The following SLC41A2 variants were observed in gnomAD, a reference collection of about 807,000 sequenced individuals.
The protein encoded by SLC41A2 is solute carrier family 41 member 2, also known as SLC41A1-like 1.
SLC41A2 carries 32 observed loss-of-function variants against 58.3 expected under a neutral mutation model. That is an observed-to-expected ratio of 0.55 (90% CI 0.41 to 0.74). The LOEUF is 0.74. Ranked by LOEUF, SLC41A2 falls within the 30% of genes least tolerant of loss-of-function variation. The pLI is 0.00. For missense variants in SLC41A2, 514 were observed against 680.6 expected, an observed-to-expected ratio of 0.76 and a Z score of 2.72; for synonymous variants, 190 against 235.0, an observed-to-expected ratio of 0.81 and a Z score of 1.75.
intron 10 of SLC41A2, among the ~76,000 whole-genome samples, chr12:104,842,991 A>G (rs770405398): frequency 6.6e-6 from 1 of 152,064 alleles, no homozygotes; most frequent in Non-Finnish European, 1.5e-5. Flanking sequence ...CTTTTTCACA[A>G]TAGTTACACA....
chr12:104,957,937 C>T (rs1354496495), intron 1 of SLC41A2, among the ~76,000 whole-genome samples, 151 bp downstream of exon 1: 6 of 151,880 alleles, frequency 4.0e-5, no homozygotes, highest in African/African-American at 1.2e-4. Context: ...CCGCAGGGGG[C>T]ACGGCTGCTC....
rs1236629165 is a variant in SLC41A2, at chr12:104,886,225, T to C, written c.1027+68A>G. The C allele has an allele frequency of 4.6e-6, 7 of 1,532,272 alleles. No homozygotes were observed. The Admixed American group carries it at 1.1e-4, about 24-fold the overall frequency. The allele number at this position is 1,532,272 out of a possible 1,614,324, so 94.9% of individuals were successfully genotyped here. A position where few individuals can be genotyped will look rare whatever the true frequency, so the allele number is the denominator to read the frequency against. On this transcript the variant is annotated intron_variant, in intron 6 of 10. Transcript: ENST00000258538. The stretch of plus-strand genomic sequence containing the variant: ...TGAAGGCTACCATGGATTCATGGCA[T>C]TGCTGCAACAATATTTATTTAAAGA...
intron 6 of SLC41A2, among the ~76,000 whole-genome samples, chr12:104,869,719 T>C (rs1439215116): frequency 6.6e-6 from 1 of 152,104 alleles, no homozygotes; most frequent in Non-Finnish European, 1.5e-5. Context: ...TAACTTCTAA[T>C]CCAATTTTGA....
intron 1 of SLC41A2, among the ~76,000 whole-genome samples, chr12:104,956,852 G>GAT (rs1338779502): frequency 6.6e-6 from 1 of 152,112 alleles, no homozygotes; most frequent in Non-Finnish European, 1.5e-5. Flanking sequence ...ACCACAAAGA[G>GAT]ATACCATTCC....
intron 10 of SLC41A2, among the ~76,000 whole-genome samples, chr12:104,811,822 C>G (rs1019297839): frequency 1.3e-5 from 2 of 152,184 alleles, no homozygotes; most frequent in Non-Finnish European, 2.9e-5. Flanking sequence ...GTAGAATCCA[C>G]GAAAGGTTTG....
At chr12:104,812,924 A>G (rs2041237194) in intron 10 of SLC41A2, among the ~76,000 whole-genome samples, 1 of 152,224 alleles carries the variant, frequency 6.6e-6, no homozygotes, top group Admixed American at 6.5e-5. Context: ...CACGCCTGTA[A>G]TCCCCAGCTG....
chr12:104,931,920 A>G (rs1593166303), intron 1 of SLC41A2: 1 of 152,194 alleles, frequency 6.6e-6, no homozygotes, highest in Non-Finnish European at 1.5e-5. Context: ...AATCTTCTTC[A>G]TTGCTTAAGC....
intron 1 of SLC41A2, among the ~76,000 whole-genome samples, chr12:104,947,976 TG>T (rs1172823327): frequency 1.3e-5 from 2 of 152,220 alleles, no homozygotes; most frequent in African/African-American, 4.8e-5. Flanking sequence ...ACCATGAGTT[TG>T]CCTGGGGTCA....
chr12:104,945,235 T>C (rs971855242), intron 1 of SLC41A2, among the ~76,000 whole-genome samples: 2 of 151,682 alleles, frequency 1.3e-5, no homozygotes, highest in Non-Finnish European at 2.9e-5. Context: ...GCACGGTAGT[T>C]CACACCTGTA....
In SLC41A2 at chr12:104,829,548, T is replaced by A. The variant is rs77783180; in HGVS notation, c.1536+14924A>T. 5.9e-3 allele frequency among the ~76,000 whole-genome samples: 894 copies of A among 152,010 alleles called. 17 individuals carry two copies. Among genetic ancestry groups the A allele is most frequent in the African/African-American group, 0.02 (841 of 41,448 alleles). On this transcript the variant is annotated intron_variant, in intron 10 of 10. Coordinates refer to ENST00000258538, the MANE Select transcript of SLC41A2 (RefSeq NM_001352171.3). ...AACCTTTTGGAGGTGAAGGTAATAT[T>A]CTGTATGTTGATTATGGTAGTCATT...
At chr12:104,958,309 C>T (rs930089398), upstream of SLC41A2, 1 of 149,156 alleles carries the variant, frequency 6.7e-6, no homozygotes, top group Non-Finnish European at 1.5e-5. Flanking sequence ...CGTCGGCGCC[C>T]GCGGCCCCCT....
At chr12:104,943,101 G>C (rs1306290178) in intron 1 of SLC41A2, among the ~76,000 whole-genome samples, 1 of 151,898 alleles carries the variant, frequency 6.6e-6, no homozygotes, top group Non-Finnish European at 1.5e-5. Flanking sequence ...AAAGTTAAAA[G>C]CTTCCAGAAT....
intron 1 of SLC41A2, chr12:104,931,671 T>C (rs767672931): frequency 6.6e-6 from 1 of 152,204 alleles, no homozygotes; most frequent in Admixed American, 6.5e-5. Context: ...GGGAAGACTT[T>C]CCTTTGGAAT....
At chr12:104,913,168 C>T (rs1029745595) in intron 2 of SLC41A2, among the ~76,000 whole-genome samples, 2 of 152,172 alleles carry the variant, frequency 1.3e-5, no homozygotes, top group African/African-American at 4.8e-5. Flanking sequence ...AAAAATTCTA[C>T]ATTATTTTTT....
At chr12:104,914,980 T>C (rs1404580362) in intron 2 of SLC41A2, among the ~76,000 whole-genome samples, 1 of 152,228 alleles carries the variant, frequency 6.6e-6, no homozygotes, top group Non-Finnish European at 1.5e-5. Flanking sequence ...TACTTACAAA[T>C]TTTACCATGA....
intron 10 of SLC41A2, among the ~76,000 whole-genome samples, chr12:104,824,698 T>G (rs115283537): frequency 0.014 from 2,115 of 152,130 alleles, 46 homozygotes; most frequent in African/African-American, 0.047. Flanking sequence ...GGGGCTTCAG[T>G]TGCAAACATT....
At chr12:104,814,742 T>C (rs1226829220) in intron 10 of SLC41A2, among the ~76,000 whole-genome samples, 3 of 152,222 alleles carry the variant, frequency 2.0e-5, no homozygotes, top group Non-Finnish European at 4.4e-5. Context: ...TAGTAAGTAC[T>C]AAGTAAATAT....
At chr12:104,933,712 T>C (rs1372506086) in intron 1 of SLC41A2, among the ~76,000 whole-genome samples, 7 of 151,996 alleles carry the variant, frequency 4.6e-5, no homozygotes, top group Non-Finnish European at 8.8e-5. Context: ...CACCCATATA[T>C]ATACACCATG....
intron 3 of SLC41A2, among the ~76,000 whole-genome samples, chr12:104,895,677 C>A (rs2045244824): frequency 6.6e-6 from 1 of 151,986 alleles, no homozygotes; most frequent in African/African-American, 2.4e-5. Context: ...GTATTGAGGT[C>A]CAAGGTAAAT....
Sources: gnomAD v4.1 joint callset for allele counts (sites outside exome capture counted in the v4.1 genomes callset) on GRCh38, gnomAD v4.1.1 for gene constraint, MANE v1.5 for transcripts, NCBI Gene and HGNC (gene_info 2026-07-23, HGNC 2026-07-21) for gene names.